The following FMO4 variants were observed in gnomAD, a reference collection of about 807,000 sequenced individuals.
FMO4 encodes flavin containing dimethylaniline monoxygenase 4, also known as dimethylaniline monooxygenase [N-oxide-forming] 4.
In FMO4, 38 loss-of-function variants were observed where a neutral mutation model predicts 43.3. That is an observed-to-expected ratio of 0.88 (90% confidence interval 0.68 to 1.15). FMO4 has a LOEUF of 1.15. Among genes scored for constraint, FMO4 ranks in the 50% most tolerant of loss-of-function variants. The pLI, the probability that FMO4 is intolerant of heterozygous loss-of-function variation, is 0.00. For synonymous variants in FMO4, 224 were observed against 232.2 expected (o/e 0.96, Z 0.32); for missense variants, 631 against 663.3 (o/e 0.95, Z 0.54).
At chr1:171,317,734 T>C (rs1010231925) in intron 2 of FMO4, among the ~76,000 whole-genome samples, 3 of 152,302 alleles carry the variant, frequency 2.0e-5, no homozygotes, top group Admixed American at 2.0e-4. Context: ...TTGGGGACTT[T>C]ATTTTCTATT....
At chr1:171,325,737 T>C (rs1334246051) in intron 5 of FMO4, among the ~76,000 whole-genome samples, 1 of 150,640 alleles carries the variant, frequency 6.6e-6, no homozygotes, top group Non-Finnish European at 1.5e-5. Context: ...TTGACATGGA[T>C]GCTTTCGGAA....
intron 3 of FMO4, among the ~76,000 whole-genome samples, chr1:171,320,363 C>T (rs1662362937): frequency 6.6e-6 from 1 of 152,104 alleles, no homozygotes; most frequent in South Asian, 2.1e-4. Flanking sequence ...GAACCACAAC[C>T]CCCAGACATT....
chr1:171,334,770 T>C lies in FMO4; in HGVS notation c.1180+7T>C, dbSNP rs747158747. 5 of 1,481,654 alleles carry C rather than the reference T, an allele frequency of 3.4e-6. No homozygotes were observed. The highest frequency in any genetic ancestry group is 1.4e-5 in the African/African-American group (1 of 70,882). The allele number at this position is 1,481,654 out of a possible 1,614,324, so 91.8% of individuals were successfully genotyped here. A position where few individuals can be genotyped will look rare whatever the true frequency, so the allele number is the denominator to read the frequency against. On this transcript the variant is annotated splice_region_variant and intron_variant, in intron 8 of 9. Coordinates refer to ENST00000367749, the MANE Select transcript of FMO4 (RefSeq NM_002022.3). Reference sequence around the variant, plus strand: ...GTCACAAGAGTATTCAAAGGTACCATGACTCTACTGAAAGTCCTCTCTTTG... The same window carrying C: ...GTCACAAGAGTATTCAAAGGTACCACGACTCTACTGAAAGTCCTCTCTTTG...
chr1:171,329,175 G>A (rs1057081393), intron 5 of FMO4, among the ~76,000 whole-genome samples: 6 of 152,090 alleles, frequency 3.9e-5, no homozygotes, highest in African/African-American at 1.4e-4. Context: ...AGAGGGAAGA[G>A]AGAAGAAAAG....
chr1:171,316,400 A>AGAAG (rs1400652309), intron 2 of FMO4, 73 bp downstream of exon 2: 1 of 152,210 alleles, frequency 6.6e-6, no homozygotes, highest in Non-Finnish European at 1.5e-5. Context: ...CAAGGAGAAG[A>AGAAG]GAAGGAAGAC....
intron 3 of FMO4, among the ~76,000 whole-genome samples, chr1:171,321,342 G>A (rs188670667): frequency 2.6e-5 from 4 of 152,068 alleles, no homozygotes; most frequent in South Asian, 2.1e-4. Flanking sequence ...CTTGGTGTCC[G>A]TGGGGGTTTA....
chr1:171,341,780 G>A lies in FMO4; in HGVS notation c.1618G>A (p.Val540Met), dbSNP rs1663386165. Reference protein sequence around the residue: ...ICKSSLFLKLVRDKLQDRMSP... With the variant: ...ICKSSLFLKLMRDKLQDRMSP... The stretch of plus-strand genomic sequence containing the variant: ...TAAATCTTCACTTTTCTTGAAATTG[G>A]TGAGAGATAAACTACAGGACAGAAT... Residue 540 changes from valine to methionine, a missense_variant, in exon 10 of 10, where the codon GTG becomes ATG. Coordinates refer to ENST00000367749, the MANE Select transcript of FMO4 (RefSeq NM_002022.3). 3 of 1,613,828 alleles carry A rather than the reference G, an allele frequency of 1.9e-6. No individual in the cohort carries two copies. The highest frequency in any genetic ancestry group is 2.5e-6 in the Non-Finnish European group (3 of 1,179,916).
At chr1:171,328,839 G>A (rs1056678231) in intron 5 of FMO4, among the ~76,000 whole-genome samples, 3 of 151,884 alleles carry the variant, frequency 2.0e-5, no homozygotes, top group East Asian at 1.9e-4. Context: ...TTGTCCTTCC[G>A]TTGCCCCTGG....
intron 7 of FMO4, chr1:171,333,140 A>C: frequency 2.8e-6 from 1 of 362,192 alleles, no homozygotes. Flanking sequence ...TAAAAGATGA[A>C]AACTTCCATT....
intron 2 of FMO4, among the ~76,000 whole-genome samples, chr1:171,317,576 A>T (rs761484549): frequency 9.2e-5 from 14 of 152,324 alleles, no homozygotes; most frequent in Middle Eastern, 3.4e-3. Context: ...TGCAGAAATG[A>T]TAAAATCCAG....
chr1:171,332,625 T>C (rs1662947140), intron 6 of FMO4, 84 bp from the exon 7 acceptor site: 1 of 1,133,450 alleles, frequency 8.8e-7, no homozygotes, highest in Admixed American at 1.9e-5. Context: ...CAGACTGGAA[T>C]AAGATCATTT....
chr1:171,332,571 G>T (rs1354528705), intron 6 of FMO4, 138 bp from the exon 7 acceptor site: 7 of 637,372 alleles, frequency 1.1e-5, no homozygotes, highest in Non-Finnish European at 1.6e-5. Context: ...ATAATCGTAT[G>T]TAGACCTATG....
At chr1:171,339,910 C>T (rs188751580) in intron 9 of FMO4, among the ~76,000 whole-genome samples, 5 of 152,176 alleles carry the variant, frequency 3.3e-5, no homozygotes, top group Admixed American at 6.5e-5. Flanking sequence ...CAAAACCCAG[C>T]GAGAAAAGTT....
intron 5 of FMO4, among the ~76,000 whole-genome samples, chr1:171,324,767 A>C (rs977413804): frequency 6.6e-6 from 1 of 152,136 alleles, no homozygotes; most frequent in African/African-American, 2.4e-5. Flanking sequence ...TGGACAAATA[A>C]AACTTTAAAA....
intron 1 of FMO4, among the ~76,000 whole-genome samples, chr1:171,315,907 G>T (rs867878210): frequency 3.3e-5 from 5 of 152,110 alleles, no homozygotes; most frequent in Admixed American, 2.0e-4. Context: ...AGAGCATGCT[G>T]CTACCATAGG....
chr1:171,330,904 A>C (rs1242691499), intron 5 of FMO4, among the ~76,000 whole-genome samples: 2 of 152,254 alleles, frequency 1.3e-5, no homozygotes, highest in Admixed American at 6.5e-5. Context: ...TGAAAGATCA[A>C]TCAGAAACAA....
chr1:171,316,982 A>C (rs1662224486), intron 2 of FMO4, among the ~76,000 whole-genome samples: 1 of 152,122 alleles, frequency 6.6e-6, no homozygotes, highest in African/African-American at 2.4e-5. Context: ...CATAGAGAAA[A>C]ACTCCAAGCC....
chr1:171,324,114 T>TG, intron 4 of FMO4, 24 bp from the exon 5 acceptor site: 1 of 1,593,538 alleles, frequency 6.3e-7, no homozygotes, highest in Non-Finnish European at 8.5e-7. Flanking sequence ...TAGTGAGAAG[T>TG]GAGTGTTTGT....
At position 171,324,283 on chromosome 1, in the gene FMO4, C is replaced by T; in HGVS notation, c.467C>T (p.Pro156Leu). The part of the protein sequence containing the change: ...CTGHFLNPHL[P>L]LEAFPGIHKF... ...GGACATTTCCTGAATCCCCATTTAC[C>T]TTTGGAAGCCTTTCCTGGTGAGTCA... is the stretch of plus-strand genomic sequence containing the variant. Residue 156 changes from proline to leucine, a missense_variant, in exon 5 of 10, where the codon CCT (proline) becomes CTT (leucine). Pro to Leu is a moderately conservative substitution (Grantham distance 98, BLOSUM62 -3). Transcript: ENST00000367749. 1.2e-6 allele frequency: 2 copies of T among 1,607,586 alleles called. No homozygotes were observed. Among genetic ancestry groups the T allele is most frequent in the Non-Finnish European group, 1.7e-6 (2 of 1,176,960 alleles).
Sources: allele counts gnomAD v4.1 joint callset (sites outside exome capture counted in the v4.1 genomes callset), GRCh38; gene constraint gnomAD v4.1.1; transcripts MANE v1.5; gene names NCBI Gene and HGNC (gene_info 2026-07-23, HGNC 2026-07-21).